Variants in EDAR observed in about 807,000 individuals in gnomAD.
EDAR encodes the protein tumor necrosis factor receptor superfamily member EDAR.
Under a neutral mutation model 51.3 loss-of-function variants are expected in EDAR, and 38 were observed. The ratio of observed to expected loss-of-function variants is 0.74; its 90% CI spans 0.57 to 0.97. The LOEUF (loss-of-function observed/expected upper bound fraction) is 0.97. Among genes scored for constraint, EDAR ranks in the 50% least tolerant of loss-of-function variants. The pLI is 0.00. For synonymous variants in EDAR, 227 were observed against 242.1 expected (o/e 0.94, Z 0.58); for missense variants, 528 against 595.0 (o/e 0.89, Z 1.17).
At chr2:108,945,207 C>T (rs1697692568) in intron 1 of EDAR, among the ~76,000 whole-genome samples, 1 of 152,138 alleles carries the variant, frequency 6.6e-6, no homozygotes, top group Non-Finnish European at 1.5e-5. Context: ...GGGGCGAGCT[C>T]CCCGTCCTGG....
intron 5 of EDAR, 117 bp from the exon 6 acceptor site, chr2:108,912,881 T>G (rs1446624279): frequency 6.7e-5 from 53 of 790,956 alleles, no homozygotes; most frequent in Non-Finnish European, 1.1e-4. Context: ...CAGTGATGGC[T>G]GAGGGGAGCT....
chr2:108,986,101 A>G (rs1249670514), intron 1 of EDAR, among the ~76,000 whole-genome samples: 1 of 152,176 alleles, frequency 6.6e-6, no homozygotes. Context: ...AATATGGTCA[A>G]GCTCATTTGT....
At chr2:108,984,846 C>T (rs1429414334) in intron 1 of EDAR, among the ~76,000 whole-genome samples, 1 of 152,152 alleles carries the variant, frequency 6.6e-6, no homozygotes, top group Admixed American at 6.5e-5. Flanking sequence ...AGCAGATGCC[C>T]AGAAAACATT....
intron 4 of EDAR, 35 bp from the exon 5 acceptor site, chr2:108,923,488 T>C: frequency 6.3e-7 from 1 of 1,597,062 alleles, no homozygotes. Flanking sequence ...CAGAGACAGG[T>C]GAGCTGGACA....
intron 1 of EDAR, among the ~76,000 whole-genome samples, chr2:108,946,515 G>A (rs1038632821): frequency 6.6e-6 from 1 of 152,188 alleles, no homozygotes; most frequent in Non-Finnish European, 1.5e-5. Flanking sequence ...AATTATATTA[G>A]TCCATTCTCC....
intron 10 of EDAR, among the ~76,000 whole-genome samples, chr2:108,907,201 A>G (rs1288856585): frequency 6.6e-6 from 1 of 152,170 alleles, no homozygotes; most frequent in Non-Finnish European, 1.5e-5. Context: ...TAGAAGAAAA[A>G]CGTTGTGTGT....
At chr2:108,912,900 G>A (rs1696954736) in intron 5 of EDAR, 136 bp from the exon 6 acceptor site, 4 of 736,658 alleles carry the variant, frequency 5.4e-6, no homozygotes, top group Non-Finnish European at 9.5e-6. Flanking sequence ...CTAAATATTT[G>A]TATTTCTTAG....
chr2:108,906,239 G>A (rs1363624651), intron 11 of EDAR, 69 bp downstream of exon 11: 3 of 1,564,532 alleles, frequency 1.9e-6, no homozygotes, highest in Non-Finnish European at 2.6e-6. Context: ...GGAGCCTCAG[G>A]GCTCCGGGCC....
chr2:108,932,528 C>CAAAAA (rs1171012818), intron 1 of EDAR, among the ~76,000 whole-genome samples: 28 of 38,994 alleles, frequency 7.2e-4, no homozygotes, highest in Non-Finnish European at 1.0e-3. Flanking sequence ...GACTCTGTCT[C>CAAAAA]AAAAAAAAAA....
chr2:108,987,869 C>T (rs2104498227), intron 1 of EDAR, among the ~76,000 whole-genome samples: 1 of 152,318 alleles, frequency 6.6e-6, no homozygotes, highest in South Asian at 2.1e-4. Context: ...TTTTAAGTGG[C>T]TATGACTTAC....
chr2:108,942,729 C>T (rs1445069457), intron 1 of EDAR, among the ~76,000 whole-genome samples: 1 of 152,240 alleles, frequency 6.6e-6, no homozygotes, highest in Non-Finnish European at 1.5e-5. Context: ...AAGCCAGCTT[C>T]GCTCCCAGGC....
At chr2:108,915,517 G>C (rs1274768112) in intron 5 of EDAR, among the ~76,000 whole-genome samples, 1 of 152,184 alleles carries the variant, frequency 6.6e-6, no homozygotes, top group African/African-American at 2.4e-5. Flanking sequence ...ATGAATGGAG[G>C]CTTTTTTCCT....
intron 4 of EDAR, among the ~76,000 whole-genome samples, chr2:108,926,720 A>G (rs1433783725): frequency 6.6e-6 from 1 of 152,190 alleles, no homozygotes; most frequent in East Asian, 1.9e-4. Flanking sequence ...TTGTTCAGCA[A>G]GTGTCCTGGC....
chr2:108,913,907 G>A (rs184815487), intron 5 of EDAR, among the ~76,000 whole-genome samples: 5,118 of 134,386 alleles, frequency 0.038, 124 homozygotes, highest in Non-Finnish European at 0.053. Flanking sequence ...CTGAGATTGC[G>A]CCACTGCACT....
At chr2:108,900,310 C>G (rs1696674167) in intron 11 of EDAR, among the ~76,000 whole-genome samples, 1 of 152,212 alleles carries the variant, frequency 6.6e-6, no homozygotes, top group Non-Finnish European at 1.5e-5. Context: ...AATCCCAGCA[C>G]TTTGGGAGGC....
At chr2:108,966,554 A>T (rs1698154396) in intron 1 of EDAR, among the ~76,000 whole-genome samples, 1 of 152,238 alleles carries the variant, frequency 6.6e-6, no homozygotes, top group African/African-American at 2.4e-5. Flanking sequence ...TATGAGGAAG[A>T]GGTCATCTTC....
chr2:108,957,679 C>G (rs1274753349), intron 1 of EDAR, among the ~76,000 whole-genome samples: 1 of 152,228 alleles, frequency 6.6e-6, no homozygotes. Context: ...TATTTGATGT[C>G]CAAACCCCAT....
intron 1 of EDAR, among the ~76,000 whole-genome samples, chr2:108,950,926 G>A (rs1428961571): frequency 6.6e-6 from 1 of 152,248 alleles, no homozygotes; most frequent in African/African-American, 2.4e-5. Context: ...CCTTGCATGA[G>A]GCAGGCTTCT....
chr2:108,913,245 G>A (rs12469095), intron 5 of EDAR, among the ~76,000 whole-genome samples: 90,255 of 152,004 alleles, frequency 0.59, 31,231 homozygotes, highest in East Asian at 0.89. Flanking sequence ...CACCGCGCCC[G>A]GCTGGTTATT....
Sources: gnomAD v4.1 joint callset for allele counts (sites outside exome capture counted in the v4.1 genomes callset) on GRCh38, gnomAD v4.1.1 for gene constraint, MANE v1.5 for transcripts, NCBI Gene and HGNC (gene_info 2026-07-23, HGNC 2026-07-21) for gene names.